STPG2: variants seen among roughly 807,000 people sequenced by gnomAD.
STPG2 encodes the protein sperm-tail PG-rich repeat-containing protein 2.
STPG2 carries 56 observed loss-of-function variants against 54.2 expected under a neutral mutation model. That is an observed-to-expected ratio of 1.03 (90% CI 0.83 to 1.29). The LOEUF (loss-of-function observed/expected upper bound fraction) is 1.29. STPG2 is among the 50% of genes most tolerant of loss of function. STPG2 has a pLI of 0.00. For synonymous variants in STPG2, 200 were observed against 181.8 expected, an observed-to-expected ratio of 1.10 and a Z score of -0.81; for missense variants, 596 against 544.9, an observed-to-expected ratio of 1.09 and a Z score of -0.93.
chr4:97,861,610 A>G (rs1261025398), intron 8 of STPG2, among the ~76,000 whole-genome samples: 2 of 152,162 alleles, frequency 1.3e-5, no homozygotes, highest in Non-Finnish European at 2.9e-5. Context: ...TTACGCGTCC[A>G]TCAGGAGACA....
At chr4:97,560,821 G>T (rs188550916) in intron 10 of STPG2, among the ~76,000 whole-genome samples, 3 of 152,228 alleles carry the variant, frequency 2.0e-5, no homozygotes, top group Non-Finnish European at 4.4e-5. Flanking sequence ...TAAAATTGAG[G>T]GGAGGGGGGA....
chr4:97,951,369 A>C (rs992476968), intron 7 of STPG2, among the ~76,000 whole-genome samples: 1 of 152,124 alleles, frequency 6.6e-6, no homozygotes, highest in Non-Finnish European at 1.5e-5. Flanking sequence ...CACTAGTGTG[A>C]CCTTTGGGTG....
At chr4:97,761,498 C>A (rs558895598) in intron 9 of STPG2, among the ~76,000 whole-genome samples, 2 of 152,244 alleles carry the variant, frequency 1.3e-5, no homozygotes, top group South Asian at 4.2e-4. Flanking sequence ...TTGCCAATAT[C>A]TTGGTTGAAG....
intron 7 of STPG2, among the ~76,000 whole-genome samples, chr4:97,971,926 G>A (rs949395650): frequency 6.6e-6 from 1 of 152,078 alleles, no homozygotes; most frequent in African/African-American, 2.4e-5. Context: ...TTCTCCCTAA[G>A]TCTTTACTTC....
intron 9 of STPG2, among the ~76,000 whole-genome samples, chr4:97,789,242 T>C (rs1298287843): frequency 6.6e-6 from 1 of 152,006 alleles, no homozygotes; most frequent in African/African-American, 2.4e-5. Flanking sequence ...TCTTAGTTAT[T>C]TTGATTATGG....
At chr4:97,832,997 T>A (rs967582994) in intron 9 of STPG2, among the ~76,000 whole-genome samples, 2 of 152,160 alleles carry the variant, frequency 1.3e-5, no homozygotes, top group African/African-American at 4.8e-5. Context: ...CTTCTCAGTA[T>A]TGGAAAAAAC....
intron 5 of STPG2, among the ~76,000 whole-genome samples, chr4:98,103,907 T>C (rs1246886299): frequency 6.6e-6 from 1 of 152,138 alleles, no homozygotes; most frequent in Non-Finnish European, 1.5e-5. Context: ...GACTGCCAAA[T>C]CAGTATCTCT....
At chr4:97,676,124 A>G (rs1361831904) in intron 10 of STPG2, among the ~76,000 whole-genome samples, 2 of 148,840 alleles carry the variant, frequency 1.3e-5, no homozygotes, top group Non-Finnish European at 3.0e-5. Context: ...GTGTATATAT[A>G]TATTTTTTTG....
chr4:97,701,803 C>T (rs1316823587), intron 10 of STPG2, among the ~76,000 whole-genome samples: 2 of 152,320 alleles, frequency 1.3e-5, no homozygotes, highest in South Asian at 4.1e-4. Context: ...CTGACTGCTG[C>T]TTTGTCTCTG....
intron 4 of STPG2, among the ~76,000 whole-genome samples, chr4:97,465,968 G>A (rs1015521401): frequency 1.3e-4 from 19 of 151,882 alleles, no homozygotes; most frequent in African/African-American, 2.4e-4. Context: ...TTTGGTTGTC[G>A]TTGTTGTTGT....
intron 9 of STPG2, among the ~76,000 whole-genome samples, chr4:97,750,298 A>T (rs1725547148): frequency 6.6e-6 from 1 of 151,992 alleles, no homozygotes; most frequent in Non-Finnish European, 1.5e-5. Context: ...CACAAGACAA[A>T]GCATTAACAA....
At chr4:97,948,855 T>C (rs191028851) in intron 7 of STPG2, among the ~76,000 whole-genome samples, 11 of 152,244 alleles carry the variant, frequency 7.2e-5, no homozygotes, top group Admixed American at 5.2e-4. Flanking sequence ...ATGGAAAATG[T>C]TCCATGTGCT....
chr4:97,566,739 G>A (rs1348338095), intron 10 of STPG2, among the ~76,000 whole-genome samples: 2 of 151,804 alleles, frequency 1.3e-5, no homozygotes, highest in Admixed American at 1.3e-4. Context: ...GTAGGGACAT[G>A]GATGAAATTG....
At chr4:97,469,512 C>G (rs1729871812) in intron 4 of STPG2, among the ~76,000 whole-genome samples, 1 of 151,914 alleles carries the variant, frequency 6.6e-6, no homozygotes, top group African/African-American at 2.4e-5. Context: ...AGAGAAAGTA[C>G]AGTGAGAGAG....
intron 9 of STPG2, among the ~76,000 whole-genome samples, chr4:97,775,987 C>A (rs1271898940): frequency 6.6e-6 from 1 of 152,082 alleles, no homozygotes; most frequent in Non-Finnish European, 1.5e-5. Context: ...GTCTCGAACT[C>A]CTGACCTCAC....
At chr4:97,631,790 G>A (rs981733528) in intron 10 of STPG2, among the ~76,000 whole-genome samples, 2 of 152,030 alleles carry the variant, frequency 1.3e-5, no homozygotes, top group Non-Finnish European at 2.9e-5. Context: ...AAGATAAATG[G>A]AGCTGAGCAG....
chr4:97,703,051 C>A (rs529312587), intron 10 of STPG2, among the ~76,000 whole-genome samples: 3 of 152,026 alleles, frequency 2.0e-5, no homozygotes, highest in African/African-American at 7.2e-5. Context: ...TTTGGAGCAA[C>A]CAACCAGCTT....
At chr4:97,480,362 T>G (rs1054119564) in intron 4 of STPG2, among the ~76,000 whole-genome samples, 3 of 151,588 alleles carry the variant, frequency 2.0e-5, no homozygotes, top group Non-Finnish European at 4.4e-5. Flanking sequence ...ACAGATTGCT[T>G]CAGTGATGAA....
chr4:98,061,157 C>T (rs1166082981), intron 5 of STPG2, among the ~76,000 whole-genome samples: 2 of 152,172 alleles, frequency 1.3e-5, no homozygotes, highest in African/African-American at 2.4e-5. Flanking sequence ...AAAATATTTA[C>T]ATACTATGCA....
Sources: allele counts gnomAD v4.1 joint callset (sites outside exome capture counted in the v4.1 genomes callset), GRCh38; gene constraint gnomAD v4.1.1; transcripts MANE v1.5; gene names NCBI Gene and HGNC (gene_info 2026-07-23, HGNC 2026-07-21).